MGMT: variants seen among roughly 807,000 people sequenced by gnomAD.
The protein encoded by MGMT is methylated-DNA--protein-cysteine methyltransferase.
A neutral mutation model predicts 15.9 loss-of-function variants in MGMT; 14 were observed. That is an observed-to-expected ratio of 0.88 (90% CI 0.58 to 1.37). The LOEUF is 1.37. Among genes scored for constraint, MGMT ranks in the 40% most tolerant of loss-of-function variants. The pLI, the probability that MGMT is intolerant of heterozygous loss-of-function variation, is 0.00. For missense variants in MGMT, 282 were observed against 268.1 expected, an observed-to-expected ratio of 1.05 and a Z score of -0.36; for synonymous variants, 130 against 118.2, an observed-to-expected ratio of 1.10 and a Z score of -0.65.
rs1848981723 is a variant in MGMT at position 129,769,852 on chromosome 10, G to T, written c.*2855G>T. 6.6e-6 allele frequency among the ~76,000 whole-genome samples: 1 copy of T among 152,206 alleles called. No individual in the cohort carries two copies. The highest frequency in any genetic ancestry group is 1.5e-5 in the Non-Finnish European group (1 of 68,048). ...GCATGTTATGGTGTTGGCTGATGCG[G>T]AATCAGGAAGCTTGGAGGAGCTCTT... On this transcript the variant is annotated 3_prime_UTR_variant, in exon 5 of 5. Coordinates refer to ENST00000651593, the MANE Select transcript of MGMT (RefSeq NM_002412.5).
At chr10:129,687,421 T>G (rs1016792717) in intron 2 of MGMT, among the ~76,000 whole-genome samples, 1 of 152,214 alleles carries the variant, frequency 6.6e-6, no homozygotes, top group African/African-American at 2.4e-5. Context: ...GAAAATTTAA[T>G]AAGCAAAAGA....
intron 2 of MGMT, among the ~76,000 whole-genome samples, chr10:129,553,212 T>C (rs1846177539): frequency 6.6e-6 from 1 of 152,230 alleles, no homozygotes; most frequent in Admixed American, 6.5e-5. Flanking sequence ...ACTCTTTCTT[T>C]GGGAGACTAG....
chr10:129,467,665 C>T (rs1215700662), intron 1 of MGMT, among the ~76,000 whole-genome samples: 1 of 152,230 alleles, frequency 6.6e-6, no homozygotes, highest in Non-Finnish European at 1.5e-5. Context: ...TCCAGAAGCC[C>T]CTGCGCGGGC....
chr10:129,714,998 TC>T (rs1848277299), intron 3 of MGMT, among the ~76,000 whole-genome samples: 1 of 152,108 alleles, frequency 6.6e-6, no homozygotes, highest in Non-Finnish European at 1.5e-5. Context: ...GGTCCTTAGT[TC>T]CCTGAGGTTC....
At chr10:129,528,723 G>T (rs552412926) in intron 1 of MGMT, among the ~76,000 whole-genome samples, 1 of 152,320 alleles carries the variant, frequency 6.6e-6, no homozygotes, top group East Asian at 1.9e-4. Context: ...GCCCTGATCT[G>T]TCAAGGCTTT....
chr10:129,639,840 A>T (rs2133088946), intron 2 of MGMT, among the ~76,000 whole-genome samples: 1 of 152,240 alleles, frequency 6.6e-6, no homozygotes, highest in East Asian at 1.9e-4. Flanking sequence ...AAAAACAAAG[A>T]TGAATAAACA....
intron 2 of MGMT, among the ~76,000 whole-genome samples, chr10:129,569,654 G>C (rs1228670191): frequency 6.6e-6 from 1 of 152,106 alleles, no homozygotes; most frequent in Non-Finnish European, 1.5e-5. Flanking sequence ...TGACAACCTT[G>C]GTGGGTTGTA....
At chr10:129,726,748 A>T (rs1848438929) in intron 3 of MGMT, among the ~76,000 whole-genome samples, 2 of 152,174 alleles carry the variant, frequency 1.3e-5, no homozygotes, top group Admixed American at 1.3e-4. Context: ...CTACTCCATA[A>T]TATGGTCATG....
intron 2 of MGMT, among the ~76,000 whole-genome samples, chr10:129,705,371 A>G (rs969764963): frequency 4.6e-5 from 7 of 152,254 alleles, no homozygotes; most frequent in Non-Finnish European, 7.3e-5. Context: ...TTCCGCCCAC[A>G]GTACACTTTA....
At chr10:129,635,746 T>TATGTCTGTTAGCAATAGACAGAC (rs1564743866) in intron 2 of MGMT, among the ~76,000 whole-genome samples, 4 of 152,226 alleles carry the variant, frequency 2.6e-5, no homozygotes, top group African/African-American at 9.6e-5. Context: ...AGTGGTCACC[T>TATGTCTGTTAGCAATAGACAGAC]ATGTCTGTTA....
chr10:129,765,441 G>A (rs1171840992), intron 4 of MGMT, among the ~76,000 whole-genome samples: 1 of 152,196 alleles, frequency 6.6e-6, no homozygotes, highest in Non-Finnish European at 1.5e-5. Context: ...CAGGCAGAGG[G>A]GGACAACCAG....
At chr10:129,596,629 C>T (rs930412452) in intron 2 of MGMT, among the ~76,000 whole-genome samples, 4 of 152,180 alleles carry the variant, frequency 2.6e-5, no homozygotes, top group Non-Finnish European at 5.9e-5. Context: ...TTCAGAATGC[C>T]TTCTTGCCTT....
intron 2 of MGMT, among the ~76,000 whole-genome samples, chr10:129,661,686 C>T (rs549291397): frequency 8.5e-5 from 13 of 152,248 alleles, no homozygotes; most frequent in East Asian, 1.9e-4. Context: ...CTTTTAGTCA[C>T]GCTGGAGTTT....
chr10:129,615,864 G>T (rs540027802), intron 2 of MGMT, among the ~76,000 whole-genome samples: 1 of 152,236 alleles, frequency 6.6e-6, no homozygotes, highest in East Asian at 1.9e-4. Context: ...AGCTGCCCAC[G>T]GCAGGGGGTG....
chr10:129,475,185 G>C (rs1845276751), intron 1 of MGMT, among the ~76,000 whole-genome samples: 1 of 152,154 alleles, frequency 6.6e-6, no homozygotes, highest in Non-Finnish European at 1.5e-5. Context: ...TGGAAGCACA[G>C]ATGGGAGGTC....
intron 1 of MGMT, among the ~76,000 whole-genome samples, chr10:129,477,624 C>G (rs893464584): frequency 6.6e-6 from 1 of 152,104 alleles, no homozygotes; most frequent in Non-Finnish European, 1.5e-5. Context: ...GAGGACACAG[C>G]GAGGAGGAGG....
chr10:129,619,028 A>C (rs1847060593), intron 2 of MGMT, among the ~76,000 whole-genome samples: 1 of 152,112 alleles, frequency 6.6e-6, no homozygotes, highest in South Asian at 2.1e-4. Flanking sequence ...TGCATTCAAC[A>C]GGAGTTGGGG....
At chr10:129,721,776 G>A (rs928554596) in intron 3 of MGMT, among the ~76,000 whole-genome samples, 19 of 151,450 alleles carry the variant, frequency 1.3e-4, no homozygotes, top group Non-Finnish European at 2.5e-4. Flanking sequence ...TAGCTCATGG[G>A]CCAACAGAAA....
chr10:129,485,877 C>T (rs1345338691), intron 1 of MGMT, among the ~76,000 whole-genome samples: 1 of 152,226 alleles, frequency 6.6e-6, no homozygotes, highest in African/African-American at 2.4e-5. Context: ...CCCTCTGGCC[C>T]TGACCCCAGA....
Sources: gnomAD v4.1 joint callset for allele counts (sites outside exome capture counted in the v4.1 genomes callset) on GRCh38, gnomAD v4.1.1 for gene constraint, MANE v1.5 for transcripts, NCBI Gene and HGNC (gene_info 2026-07-23, HGNC 2026-07-21) for gene names.